SPATA16: variants seen among roughly 807,000 people sequenced by gnomAD.
SPATA16 encodes the protein spermatogenesis associated 16, also known as spermatogenesis-associated protein 16.
SPATA16 carries 36 observed loss-of-function variants against 63.3 expected under a neutral mutation model. The ratio of observed to expected loss-of-function variants is 0.57; its 90% confidence interval spans 0.44 to 0.75. The LOEUF is 0.75. SPATA16 is among the 30% of genes least tolerant of loss of function. SPATA16 has a pLI of 0.00. For missense variants in SPATA16, 646 were observed against 679.3 expected (o/e 0.95, Z 0.54); for synonymous variants, 203 against 216.7 (o/e 0.94, Z 0.56).
chr3:172,969,098 G>A (rs1733987652), intron 5 of SPATA16, among the ~76,000 whole-genome samples: 4 of 151,280 alleles, frequency 2.6e-5, no homozygotes, highest in African/African-American at 9.7e-5. Context: ...AGAGACTAAA[G>A]AATATTGCAT....
intron 2 of SPATA16, among the ~76,000 whole-genome samples, chr3:173,049,323 A>G (rs1319454552): frequency 1.3e-5 from 2 of 152,164 alleles, no homozygotes; most frequent in Non-Finnish European, 2.9e-5. Flanking sequence ...TAAGTGAGTG[A>G]CTGTAATATA....
At chr3:173,029,094 A>G (rs1174415448) in intron 3 of SPATA16, among the ~76,000 whole-genome samples, 1 of 152,086 alleles carries the variant, frequency 6.6e-6, no homozygotes, top group African/African-American at 2.4e-5. Context: ...TTACTAACCA[A>G]TGATGCAACA....
At chr3:173,010,299 G>A (rs1214645674) in intron 4 of SPATA16, among the ~76,000 whole-genome samples, 1 of 152,064 alleles carries the variant, frequency 6.6e-6, no homozygotes, top group East Asian at 1.9e-4. Context: ...GAGCTCTTTT[G>A]CATGACTCCA....
intron 4 of SPATA16, among the ~76,000 whole-genome samples, chr3:172,987,189 G>T (rs140481168): frequency 1.3e-5 from 2 of 152,306 alleles, no homozygotes; most frequent in Admixed American, 1.3e-4. Context: ...AATGATAAAA[G>T]GATAATGGGC....
intron 3 of SPATA16, among the ~76,000 whole-genome samples, chr3:173,020,132 C>G (rs1447338943): frequency 6.6e-6 from 1 of 151,958 alleles, no homozygotes; most frequent in African/African-American, 2.4e-5. Flanking sequence ...CCTGTCTCTA[C>G]TAAAAAATAC....
At chr3:173,015,911 G>A (rs1735176675) in intron 4 of SPATA16, among the ~76,000 whole-genome samples, 1 of 151,936 alleles carries the variant, frequency 6.6e-6, no homozygotes, top group Non-Finnish European at 1.5e-5. Flanking sequence ...AGTGCTGGAG[G>A]AGGAAAGGCA....
intron 2 of SPATA16, among the ~76,000 whole-genome samples, chr3:173,060,129 C>T (rs576075954): frequency 3.3e-5 from 5 of 151,984 alleles, no homozygotes; most frequent in Admixed American, 6.6e-5. Flanking sequence ...TGGTTGCGGG[C>T]GCCTGTAATC....
chr3:173,089,428 G>A (rs1195479694), intron 2 of SPATA16, among the ~76,000 whole-genome samples: 1 of 152,196 alleles, frequency 6.6e-6, no homozygotes, highest in Non-Finnish European at 1.5e-5. Flanking sequence ...GAAACTTCAG[G>A]AAATAACTGG....
intron 2 of SPATA16, among the ~76,000 whole-genome samples, chr3:173,115,386 C>T (rs1232058230): frequency 1.3e-5 from 2 of 152,172 alleles, no homozygotes; most frequent in East Asian, 1.9e-4. Context: ...TAAATTTCAG[C>T]TGAAGATGGC....
chr3:173,071,391 AT>A (rs1339741480), intron 2 of SPATA16, among the ~76,000 whole-genome samples: 13 of 152,220 alleles, frequency 8.5e-5, no homozygotes, highest in Non-Finnish European at 2.9e-5. Context: ...ACTCCAGGAC[AT>A]TAGTCTGGAC....
chr3:172,943,537 T>C (rs9848028), intron 6 of SPATA16, among the ~76,000 whole-genome samples: 13,326 of 152,114 alleles, frequency 0.088, 1,949 homozygotes, highest in African/African-American at 0.3. Flanking sequence ...GTCAGGAGTT[T>C]GAGACCAGCC....
At chr3:172,967,342 T>G in intron 5 of SPATA16, among the ~76,000 whole-genome samples, 1 of 150,802 alleles carries the variant, frequency 6.6e-6, no homozygotes, top group Non-Finnish European at 1.5e-5. Flanking sequence ...CGTCACCTAC[T>G]AATAATACTG....
intron 4 of SPATA16, among the ~76,000 whole-genome samples, chr3:173,007,271 G>A (rs1328961317): frequency 6.6e-6 from 1 of 152,200 alleles, no homozygotes; most frequent in African/African-American, 2.4e-5. Context: ...TCTCTGTGGA[G>A]CAAATTCTGA....
intron 2 of SPATA16, among the ~76,000 whole-genome samples, chr3:173,104,895 T>G (rs573727208): frequency 1.3e-4 from 20 of 152,318 alleles, no homozygotes; most frequent in African/African-American, 4.8e-4. Flanking sequence ...GCCCATCATT[T>G]TGCATTTCCC....
At chr3:173,053,065 G>A (rs889453360) in intron 2 of SPATA16, among the ~76,000 whole-genome samples, 1 of 152,162 alleles carries the variant, frequency 6.6e-6, no homozygotes, top group African/African-American at 2.4e-5. Flanking sequence ...TGTTAAAAAT[G>A]AAATTTCAGG....
At chr3:173,064,845 A>G (rs1414579114) in intron 2 of SPATA16, among the ~76,000 whole-genome samples, 10 of 152,206 alleles carry the variant, frequency 6.6e-5, no homozygotes, top group Admixed American at 6.5e-4. Context: ...ACTTGGCAGG[A>G]AGGGGAATGA....
intron 6 of SPATA16, among the ~76,000 whole-genome samples, chr3:172,943,635 GA>G (rs1380814835): frequency 1.3e-5 from 2 of 152,154 alleles, no homozygotes; most frequent in African/African-American, 4.8e-5. Flanking sequence ...AGCTACTCGA[GA>G]GGCTGAGGTA....
At chr3:173,046,916 T>C (rs1046800307) in intron 3 of SPATA16, among the ~76,000 whole-genome samples, 10 of 152,006 alleles carry the variant, frequency 6.6e-5, no homozygotes, top group African/African-American at 2.2e-4. Flanking sequence ...TTAACCTTTA[T>C]TGATTTACAT....
chr3:172,998,691 T>C (rs749465376), intron 4 of SPATA16, among the ~76,000 whole-genome samples: 1 of 152,126 alleles, frequency 6.6e-6, no homozygotes, highest in Non-Finnish European at 1.5e-5. Context: ...GTAGACTTTT[T>C]TTAAAAAATG....
Sources: gnomAD v4.1 joint callset for allele counts (sites outside exome capture counted in the v4.1 genomes callset) on GRCh38, gnomAD v4.1.1 for gene constraint, MANE v1.5 for transcripts, NCBI Gene and HGNC (gene_info 2026-07-23, HGNC 2026-07-21) for gene names.